Variants in STPG2 observed in about 807,000 individuals in gnomAD.
STPG2 encodes sperm tail PG-rich repeat containing 2.
In STPG2, 56 loss-of-function variants were observed where a neutral mutation model predicts 54.2. The ratio of observed to expected loss-of-function variants is 1.03; its 90% CI spans 0.83 to 1.29. The LOEUF is 1.29. STPG2 is among the 50% of genes most tolerant of loss of function. The probability of loss-of-function intolerance (pLI) is 0.00; values close to 1 mark genes in which losing one functional copy is unlikely to be tolerated. For missense variants in STPG2, 596 were observed against 544.9 expected (o/e 1.09, Z -0.93); for synonymous variants, 200 against 181.8 (o/e 1.10, Z -0.81).
At chr4:98,006,961 A>T (rs1158537539) in intron 5 of STPG2, among the ~76,000 whole-genome samples, 1 of 152,050 alleles carries the variant, frequency 6.6e-6, no homozygotes, top group African/African-American at 2.4e-5. Context: ...GCTTATCTCC[A>T]GGCATCTGGC....
chr4:97,448,414 T>G (rs548581199), intron 4 of STPG2, among the ~76,000 whole-genome samples: 41 of 152,080 alleles, frequency 2.7e-4, no homozygotes, highest in Non-Finnish European at 5.3e-4. Flanking sequence ...TCATCTCAAA[T>G]TGTAATCCCC....
intron 4 of STPG2, among the ~76,000 whole-genome samples, chr4:97,517,822 T>C (rs1731105761): frequency 6.6e-6 from 1 of 152,116 alleles, no homozygotes; most frequent in Non-Finnish European, 1.5e-5. Flanking sequence ...GCAGTTTAAA[T>C]GTTAACAACT....
chr4:97,859,169 C>A (rs1031390210), intron 8 of STPG2, among the ~76,000 whole-genome samples: 1 of 151,880 alleles, frequency 6.6e-6, no homozygotes, highest in Non-Finnish European at 1.5e-5. Flanking sequence ...TTTTTTCATA[C>A]GTTTGTTGGC....
At chr4:97,819,876 A>C (rs564521622) in intron 9 of STPG2, among the ~76,000 whole-genome samples, 1 of 152,270 alleles carries the variant, frequency 6.6e-6, no homozygotes, top group South Asian at 2.1e-4. Flanking sequence ...CTTTTTAGTA[A>C]GCCTAAGGCT....
chr4:97,736,664 C>A (rs1321847681), intron 9 of STPG2, among the ~76,000 whole-genome samples: 2 of 152,168 alleles, frequency 1.3e-5, no homozygotes, highest in Non-Finnish European at 1.5e-5. Context: ...GGGAGGGGCA[C>A]CTGTCATTGC....
intron 10 of STPG2, among the ~76,000 whole-genome samples, chr4:97,564,074 C>T (rs1232679529): frequency 6.6e-6 from 1 of 152,160 alleles, no homozygotes; most frequent in Non-Finnish European, 1.5e-5. Context: ...GTCTAAGTCT[C>T]ATTGTAGGTC....
At chr4:97,542,758 G>T (rs1020353355) in intron 4 of STPG2, among the ~76,000 whole-genome samples, 2 of 152,096 alleles carry the variant, frequency 1.3e-5, no homozygotes, top group Non-Finnish European at 2.9e-5. Flanking sequence ...AAGAAAATGT[G>T]GCAAATATAC....
intron 8 of STPG2, among the ~76,000 whole-genome samples, chr4:97,898,816 A>T (rs1174352754): frequency 2.6e-5 from 4 of 151,750 alleles, no homozygotes; most frequent in Non-Finnish European, 5.9e-5. Flanking sequence ...GATGAGCAAA[A>T]TTCGTATCTT....
chr4:98,134,822 T>C (rs991638341), intron 1 of STPG2, among the ~76,000 whole-genome samples: 39 of 151,808 alleles, frequency 2.6e-4, no homozygotes, highest in African/African-American at 9.2e-4. Flanking sequence ...TTAAATAGCA[T>C]ATATTATTTG....
chr4:98,022,749 T>C (rs948058991), intron 5 of STPG2, among the ~76,000 whole-genome samples: 1 of 152,206 alleles, frequency 6.6e-6, no homozygotes, highest in Non-Finnish European at 1.5e-5. Context: ...ACTTCCCTTC[T>C]TGCTTCATTT....
intron 8 of STPG2, among the ~76,000 whole-genome samples, chr4:97,885,819 CTGTAA>C (rs1730542762): frequency 6.6e-6 from 1 of 152,058 alleles, no homozygotes; most frequent in Non-Finnish European, 1.5e-5. Context: ...TGTGGTACAA[CTGTAA>C]ATCAAAATTA....
At chr4:97,522,800 A>G (rs990194882) in intron 4 of STPG2, among the ~76,000 whole-genome samples, 7 of 152,042 alleles carry the variant, frequency 4.6e-5, no homozygotes, top group African/African-American at 1.7e-4. Context: ...AAATACTGGC[A>G]TGTCCTGGAG....
chr4:98,132,790 GT>G (rs1163503538), intron 2 of STPG2, among the ~76,000 whole-genome samples: 1 of 151,900 alleles, frequency 6.6e-6, no homozygotes, highest in Non-Finnish European at 1.5e-5. Context: ...ATAGTTGTCA[GT>G]TTTAACTTGA....
At chr4:97,776,767 T>C (rs1187586297) in intron 9 of STPG2, among the ~76,000 whole-genome samples, 1 of 152,162 alleles carries the variant, frequency 6.6e-6, no homozygotes, top group Admixed American at 6.6e-5. Flanking sequence ...TAAAATTGAA[T>C]AGATAAATCA....
intron 10 of STPG2, among the ~76,000 whole-genome samples, chr4:97,579,665 G>C (rs1318877062): frequency 2.0e-5 from 3 of 151,894 alleles, no homozygotes; most frequent in African/African-American, 7.2e-5. Flanking sequence ...CTATTTACTT[G>C]CATAGATCTC....
At chr4:98,135,698 G>A (rs1402144542) in intron 1 of STPG2, among the ~76,000 whole-genome samples, 4 of 151,608 alleles carry the variant, frequency 2.6e-5, no homozygotes, top group African/African-American at 9.7e-5. Context: ...GAAGGGAAAG[G>A]GAGGAAAGAA....
intron 10 of STPG2, among the ~76,000 whole-genome samples, chr4:97,665,829 G>A (rs191392690): frequency 6.6e-6 from 1 of 152,240 alleles, no homozygotes; most frequent in East Asian, 1.9e-4. Context: ...GAGGTGCCAG[G>A]GGTTTGGCCT....
intron 9 of STPG2, among the ~76,000 whole-genome samples, chr4:97,716,812 G>C (rs777264780): frequency 2.5e-4 from 38 of 151,668 alleles, no homozygotes; most frequent in African/African-American, 6.8e-4. Flanking sequence ...CTATGGCCAC[G>C]TGCCATGGTG....
chr4:97,590,672 CAG>C lies in STPG2; in HGVS notation c.1321-31557_1321-31556del, dbSNP rs370718614. Among the ~76,000 whole-genome samples the C allele has an allele frequency of 6.7e-3, 967 of 145,316 alleles. 11 individuals are homozygous for C. The highest frequency in any genetic ancestry group is 9.3e-3 in the Non-Finnish European group (629 of 67,610). ...ACACACACACACACACACACACACA[CAG>C]AGAGAAACATTAAAGGACCAACAAA... On this transcript the variant is annotated intron_variant, in intron 10 of 10. Coordinates refer to ENST00000295268, the MANE Select transcript of STPG2 (RefSeq NM_174952.3).
Sources: allele counts gnomAD v4.1 joint callset (sites outside exome capture counted in the v4.1 genomes callset), GRCh38; gene constraint gnomAD v4.1.1; transcripts MANE v1.5; gene names NCBI Gene and HGNC (gene_info 2026-07-23, HGNC 2026-07-21).